The following MIGA1 variants were observed in gnomAD, a reference collection of about 807,000 sequenced individuals.
MIGA1 encodes the protein family with sequence similarity 73, member A.
A neutral mutation model predicts 82.0 loss-of-function variants in MIGA1; 58 were observed. The observed-to-expected ratio is 0.71, with a 90% CI of 0.57 to 0.88. The LOEUF is 0.88. MIGA1 is among the 40% of genes least tolerant of loss of function. The pLI is 0.00. For synonymous variants in MIGA1, 249 were observed against 253.6 expected (o/e 0.98, Z 0.17); for missense variants, 751 against 749.1 (o/e 1.00, Z -0.03).
chr1:77,855,850 T>C (rs1685233477), intron 8 of MIGA1, among the ~76,000 whole-genome samples: 1 of 152,106 alleles, frequency 6.6e-6, no homozygotes, highest in South Asian at 2.1e-4. Flanking sequence ...AGTGACAGTT[T>C]GACTTCCTCT....
intron 8 of MIGA1, chr1:77,848,545 A>T: frequency 7.6e-7 from 1 of 1,316,568 alleles, no homozygotes; most frequent in Non-Finnish European, 1.1e-6. Flanking sequence ...AGAAAGATCC[A>T]ACAAAATGAG....
At chr1:77,832,704 G>A (rs1438771105) in intron 7 of MIGA1, among the ~76,000 whole-genome samples, 1 of 152,196 alleles carries the variant, frequency 6.6e-6, no homozygotes, top group Non-Finnish European at 1.5e-5. Context: ...TAGGTGGGGA[G>A]TGGTAGGAGA....
intron 8 of MIGA1, chr1:77,847,796 A>T: frequency 1.2e-6 from 2 of 1,600,332 alleles, no homozygotes; most frequent in Non-Finnish European, 1.7e-6. Context: ...CTGATGAAGT[A>T]AGTTCAAAAA....
Position 77,877,039 on chromosome 1 carries a change from G to T in MIGA1, c.*1975G>T, listed in dbSNP as rs1011479279. On this transcript the variant is annotated 3_prime_UTR_variant, in exon 16 of 16. Coordinates refer to ENST00000370791, the MANE Select transcript of MIGA1 (RefSeq NM_198549.4). ...GCCTTCTTTTAAGAGATGGGGTCTC[G>T]CTCTATTGCCCAGGCTGGAGTGCAG... The T allele has an allele frequency of 6.6e-6, 1 of 152,038 alleles. No individual in the cohort carries two copies. Among genetic ancestry groups the T allele is most frequent in the African/African-American group, 2.4e-5 (1 of 41,382 alleles). The allele number at this position is 152,038 out of a possible 1,614,324, so 9.4% of individuals were successfully genotyped here. A position where few individuals can be genotyped will look rare whatever the true frequency, so the allele number is the denominator to read the frequency against.
rs375236374 is a variant in MIGA1 at position 77,857,586 on chromosome 1, A to C, written c.997-1352A>C. The stretch of plus-strand genomic sequence containing the variant: ...CCCCAGCTACTCGGGAGGCTGAGGC[A>C]GGAGGATCACTTGAGCCCAGGAGTT... On this transcript the variant is annotated intron_variant, in intron 8 of 15. Transcript: ENST00000370791. Among the ~76,000 whole-genome samples, 5 of 152,134 alleles carry C rather than the reference A, an allele frequency of 3.3e-5. No homozygotes were observed. The South Asian group carries it at 6.2e-4, about 19-fold the overall frequency.
Position 77,858,956 on chromosome 1 carries a change from G to A in MIGA1, c.1015G>A (p.Val339Ile), listed in dbSNP as rs116513528. The change falls in exon 9 of 16, where the codon GTA becomes ATA. Residue 339 changes from valine to isoleucine, a missense_variant. Coordinates refer to ENST00000370791, the MANE Select transcript of MIGA1 (RefSeq NM_198549.4). ...CTCTTAGCTTGCAGAACACAGAGAAGTACGGCATACCTACAGCCTGGAGTC... is the reference window on the plus strand; with the variant it reads ...CTCTTAGCTTGCAGAACACAGAGAAATACGGCATACCTACAGCCTGGAGTC... 6.5e-4 allele frequency: 1,052 copies of A among 1,612,172 alleles called. 8 individuals carry two copies. The African/African-American group carries it at 0.013, about 20-fold the overall frequency.
chr1:77,822,097 T>A (rs1283707884), intron 7 of MIGA1, among the ~76,000 whole-genome samples: 1 of 152,100 alleles, frequency 6.6e-6, no homozygotes, highest in Admixed American at 6.6e-5. Flanking sequence ...ATTAATTAGC[T>A]TGATTTTGGT....
intron 12 of MIGA1, 88 bp downstream of exon 12, chr1:77,861,410 G>C: frequency 1.2e-6 from 1 of 862,604 alleles, no homozygotes; most frequent in Non-Finnish European, 1.9e-6. Flanking sequence ...CATTGTCCTT[G>C]TTAAATAAAG....
At chr1:77,848,726 C>A (rs1385333408) in intron 8 of MIGA1, 45 of 1,504,220 alleles carry the variant, frequency 3.0e-5, no homozygotes, top group Non-Finnish European at 3.7e-5. Flanking sequence ...ACTGTAATGT[C>A]AGCTAGAGAC....
chr1:77,837,267 C>G (rs533411458), intron 7 of MIGA1, among the ~76,000 whole-genome samples: 7 of 152,104 alleles, frequency 4.6e-5, no homozygotes, highest in Non-Finnish European at 8.8e-5. Context: ...GATGTTTTCT[C>G]TTTTTTGTTG....
At chr1:77,862,611 A>G (rs776590382) in intron 12 of MIGA1, among the ~76,000 whole-genome samples, 4 of 151,978 alleles carry the variant, frequency 2.6e-5, no homozygotes, top group Non-Finnish European at 5.9e-5. Context: ...TTAGCCAGGC[A>G]TGGAGCGCAT....
chr1:77,861,197 A>T, intron 11 of MIGA1, 27 bp from the exon 12 acceptor site: 1 of 1,395,644 alleles, frequency 7.2e-7, no homozygotes, highest in Non-Finnish European at 1.0e-6. Flanking sequence ...AGTTGAGTTT[A>T]GGGTTAAAAT....
intron 4 of MIGA1, among the ~76,000 whole-genome samples, chr1:77,805,655 G>GAGT (rs1364205430): frequency 3.3e-5 from 5 of 150,438 alleles, no homozygotes; most frequent in African/African-American, 1.2e-4. Flanking sequence ...TCAGCCTCCC[G>GAGT]AGTAGCTGGG....
chr1:77,863,025 A>T (rs1472709521), intron 12 of MIGA1, among the ~76,000 whole-genome samples: 2 of 152,074 alleles, frequency 1.3e-5, no homozygotes, highest in Non-Finnish European at 2.9e-5. Context: ...CAACAAATAC[A>T]TGAAGACTTA....
chr1:77,848,043 A>G (rs1337991671), intron 8 of MIGA1: 10 of 1,293,326 alleles, frequency 7.7e-6, no homozygotes, highest in Non-Finnish European at 1.1e-5. Context: ...CAGACACCAC[A>G]CGAAAGGATC....
intron 2 of MIGA1, among the ~76,000 whole-genome samples, chr1:77,783,723 A>G (rs1682021671): frequency 6.6e-6 from 1 of 152,202 alleles, no homozygotes; most frequent in Non-Finnish European, 1.5e-5. Context: ...TTTTAAGTGT[A>G]TAGTTCATTA....
intron 2 of MIGA1, among the ~76,000 whole-genome samples, chr1:77,791,543 A>T (rs924445914): frequency 4.0e-5 from 6 of 149,830 alleles, no homozygotes; most frequent in Non-Finnish European, 5.9e-5. Context: ...ATAAATGCTC[A>T]GAAGTAGATA....
chr1:77,788,358 C>T (rs367631594), intron 2 of MIGA1, among the ~76,000 whole-genome samples: 1 of 151,962 alleles, frequency 6.6e-6, no homozygotes, highest in Admixed American at 6.5e-5. Flanking sequence ...AGGCTGGTCT[C>T]GAACTCCTGA....
At chr1:77,780,369 A>G (rs1378001175) in intron 1 of MIGA1, among the ~76,000 whole-genome samples, 3 of 152,188 alleles carry the variant, frequency 2.0e-5, no homozygotes, top group African/African-American at 7.2e-5. Context: ...TATTTTCCAG[A>G]GGGAAGACTC....
Sources: allele counts gnomAD v4.1 joint callset (sites outside exome capture counted in the v4.1 genomes callset), GRCh38; gene constraint gnomAD v4.1.1; transcripts MANE v1.5; gene names NCBI Gene and HGNC (gene_info 2026-07-23, HGNC 2026-07-21).